The following CENPP variants were observed in gnomAD, a reference collection of about 807,000 sequenced individuals.
CENPP encodes centromere protein P.
Under a neutral mutation model 35.6 loss-of-function variants are expected in CENPP, and 24 were observed. The ratio of observed to expected loss-of-function variants is 0.67; its 90% CI spans 0.49 to 0.95. The LOEUF is 0.95. CENPP is among the 40% of genes least tolerant of loss of function. CENPP has a pLI of 0.00. For missense variants in CENPP, 332 were observed against 345.3 expected, an observed-to-expected ratio of 0.96 and a Z score of 0.31; for synonymous variants, 120 against 125.5, an observed-to-expected ratio of 0.96 and a Z score of 0.29.
At chr9:92,394,361 G>T (rs1367903896) in intron 5 of CENPP, among the ~76,000 whole-genome samples, 1 of 151,234 alleles carries the variant, frequency 6.6e-6, no homozygotes, top group Non-Finnish European at 1.5e-5. Context: ...TTCTGCCTCA[G>T]CCTCCTGAGT....
chr9:92,403,616 T>C, intron 5 of CENPP: 1 of 1,211,268 alleles, frequency 8.3e-7, no homozygotes, highest in Non-Finnish European at 1.0e-6. Context: ...GCAGTTTTTA[T>C]GTATCAGTGA....
chr9:92,524,075 T>G (rs1848241836), intron 5 of CENPP, among the ~76,000 whole-genome samples: 1 of 152,234 alleles, frequency 6.6e-6, no homozygotes, highest in Non-Finnish European at 1.5e-5. Flanking sequence ...TTTCAAAGAT[T>G]ACTTGGGAGA....
intron 5 of CENPP, among the ~76,000 whole-genome samples, chr9:92,532,015 G>GTTTTTTTTGTTTTT (rs1563990161): frequency 1.0e-5 from 1 of 95,736 alleles, no homozygotes; most frequent in Non-Finnish European, 1.9e-5. Context: ...TTTATTTAAT[G>GTTTTTTTTGTTTTT]TTTTTTTTTT....
At chr9:92,361,486 T>C (rs1346511775) in intron 4 of CENPP, among the ~76,000 whole-genome samples, 2 of 111,544 alleles carry the variant, frequency 1.8e-5, no homozygotes, top group African/African-American at 4.0e-5. Flanking sequence ...TTATTTTATT[T>C]TATTTTATTT....
At chr9:92,356,348 C>A (rs187475726) in intron 4 of CENPP, among the ~76,000 whole-genome samples, 1 of 152,302 alleles carries the variant, frequency 6.6e-6, no homozygotes, top group East Asian at 1.9e-4. Flanking sequence ...AGGCTCTCTG[C>A]AAGAAGAAAA....
chr9:92,360,694 T>A (rs1051056540), intron 4 of CENPP, among the ~76,000 whole-genome samples: 1 of 152,056 alleles, frequency 6.6e-6, no homozygotes, highest in African/African-American at 2.4e-5. Context: ...TTTTATTTTT[T>A]ATTTTTATTT....
intron 5 of CENPP, among the ~76,000 whole-genome samples, chr9:92,473,754 C>G (rs1351111169): frequency 6.6e-6 from 1 of 152,196 alleles, no homozygotes; most frequent in Non-Finnish European, 1.5e-5. Flanking sequence ...TTGTTTGCCT[C>G]TCATTTTGTC....
chr9:92,430,791 T>A (rs1290283760), intron 5 of CENPP, among the ~76,000 whole-genome samples: 1 of 152,098 alleles, frequency 6.6e-6, no homozygotes, highest in Non-Finnish European at 1.5e-5. Flanking sequence ...GTTGTTGTTG[T>A]TTTGTTTTTA....
chr9:92,379,904 G>A lies in CENPP; in HGVS notation c.564+45G>A, dbSNP rs374027708. The A allele has an allele frequency of 2.3e-4, 280 of 1,191,530 alleles. 1 individual carries two copies. The highest frequency in any genetic ancestry group is 1.7e-3 in the South Asian group (138 of 80,698). The allele number at this position is 1,191,530 out of a possible 1,614,324, so 73.8% of individuals were successfully genotyped here. On this transcript the variant is annotated intron_variant, in intron 5 of 7. Transcript: ENST00000375587. ...AATTTAAACATATATGGAAAACAAA[G>A]CTGATATTAATTGAGAATTCATCCC...
At chr9:92,558,753 A>C (rs112992344) in intron 5 of CENPP, among the ~76,000 whole-genome samples, 1 of 152,104 alleles carries the variant, frequency 6.6e-6, no homozygotes, top group Non-Finnish European at 1.5e-5. Flanking sequence ...GGAAAGGACC[A>C]TCAGGTGGGG....
At chr9:92,559,673 T>C (rs1402633489) in intron 5 of CENPP, among the ~76,000 whole-genome samples, 1 of 152,042 alleles carries the variant, frequency 6.6e-6, no homozygotes, top group African/African-American at 2.4e-5. Context: ...TCTTTTTTAA[T>C]TTTTTTTCAT....
At chr9:92,443,414 A>G (rs1252320269) in intron 5 of CENPP, among the ~76,000 whole-genome samples, 2 of 152,206 alleles carry the variant, frequency 1.3e-5, no homozygotes, top group Non-Finnish European at 2.9e-5. Context: ...TCAGAATACT[A>G]CAAAACAATG....
chr9:92,613,003 A>C lies in CENPP; in HGVS notation c.737-16A>C, dbSNP rs564124332. The stretch of plus-strand genomic sequence containing the variant: ...CACCTTGAAGTTTCTTACCCGGTTT[A>C]ATGTTTTCTTTATAGCCCTGGAGCT... On this transcript the variant is annotated splice_polypyrimidine_tract_variant and intron_variant, in intron 7 of 7. Transcript: ENST00000375587. The C allele has an allele frequency of 8.1e-6, 13 of 1,613,688 alleles. No individual in the cohort carries two copies. Among genetic ancestry groups the C allele is most frequent in the Non-Finnish European group, 1.1e-5 (13 of 1,179,936 alleles).
chr9:92,381,247 A>T (rs934437399), intron 5 of CENPP, among the ~76,000 whole-genome samples: 1 of 151,188 alleles, frequency 6.6e-6, no homozygotes, highest in Non-Finnish European at 1.5e-5. Context: ...AATGTCCTCA[A>T]AGTTTCTCCA....
intron 5 of CENPP, chr9:92,414,954 T>C (rs569744036): frequency 2.6e-5 from 10 of 379,062 alleles, no homozygotes; most frequent in African/African-American, 2.1e-4. Flanking sequence ...ATTTATATTT[T>C]TAAAGATTTA....
intron 4 of CENPP, among the ~76,000 whole-genome samples, chr9:92,373,714 T>C (rs546065587): frequency 9.9e-5 from 15 of 152,166 alleles, no homozygotes; most frequent in Non-Finnish European, 1.9e-4. Flanking sequence ...TACTCCCAGC[T>C]ACTCGGGAGG....
At chr9:92,385,608 T>G (rs1244725962) in intron 5 of CENPP, 1 of 1,611,234 alleles carries the variant, frequency 6.2e-7, no homozygotes, top group Non-Finnish European at 8.5e-7. Flanking sequence ...TTATATGTTG[T>G]ACCAATAGAG....
intron 4 of CENPP, among the ~76,000 whole-genome samples, chr9:92,372,042 A>G (rs897839899): frequency 1.9e-5 from 2 of 102,762 alleles, no homozygotes; most frequent in African/African-American, 7.3e-5. Context: ...GACTCCATCT[A>G]AAAAAAAAAA....
intron 2 of CENPP, among the ~76,000 whole-genome samples, chr9:92,334,571 T>A (rs1388832811): frequency 2.0e-5 from 3 of 152,192 alleles, no homozygotes; most frequent in Non-Finnish European, 4.4e-5. Context: ...AAATGCACCC[T>A]TACTCATTAT....
Sources: gnomAD v4.1 joint callset for allele counts (sites outside exome capture counted in the v4.1 genomes callset) on GRCh38, gnomAD v4.1.1 for gene constraint, MANE v1.5 for transcripts, NCBI Gene and HGNC (gene_info 2026-07-23, HGNC 2026-07-21) for gene names.